KCTD8: variants seen among roughly 807,000 people sequenced by gnomAD.
KCTD8 encodes BTB/POZ domain-containing protein KCTD8.
KCTD8 carries 27 observed loss-of-function variants against 31.5 expected under a neutral mutation model. The observed-to-expected ratio is 0.86, with a 90% CI of 0.63 to 1.18. The LOEUF (loss-of-function observed/expected upper bound fraction) is 1.18, where lower values mean the gene tolerates loss of function less well. KCTD8 is among the 50% of genes most tolerant of loss of function. KCTD8 has a pLI of 0.00. For missense variants in KCTD8, 658 were observed against 647.7 expected, an observed-to-expected ratio of 1.02 and a Z score of -0.17; for synonymous variants, 290 against 280.0, an observed-to-expected ratio of 1.04 and a Z score of -0.36.
At chr4:44,421,217 A>T (rs1560450746) in intron 1 of KCTD8, among the ~76,000 whole-genome samples, 1 of 152,096 alleles carries the variant, frequency 6.6e-6, no homozygotes, top group Non-Finnish European at 1.5e-5. Flanking sequence ...ACTATAAAAC[A>T]TATAAAAACA....
At chr4:44,335,856 G>GA (rs1560429304) in intron 1 of KCTD8, among the ~76,000 whole-genome samples, 1 of 151,914 alleles carries the variant, frequency 6.6e-6, no homozygotes, top group Admixed American at 6.6e-5. Context: ...ACCCACAATA[G>GA]AAAAAATATA....
chr4:44,411,801 C>T (rs1720965023), intron 1 of KCTD8, among the ~76,000 whole-genome samples: 1 of 151,860 alleles, frequency 6.6e-6, no homozygotes, highest in Non-Finnish European at 1.5e-5. Context: ...CAGCTGCAAG[C>T]CAAGGAATGC....
intron 1 of KCTD8, among the ~76,000 whole-genome samples, chr4:44,188,550 A>G (rs1015043864): frequency 1.3e-5 from 2 of 152,204 alleles, no homozygotes; most frequent in African/African-American, 4.8e-5. Context: ...GTGGTTCCAT[A>G]AAAGATAGCA....
At chr4:44,293,378 T>A (rs1717334474) in intron 1 of KCTD8, 3 of 434,570 alleles carry the variant, frequency 6.9e-6, no homozygotes, top group South Asian at 5.0e-5. Flanking sequence ...TTATCTGCCA[T>A]ACTTAATGGA....
intron 1 of KCTD8, among the ~76,000 whole-genome samples, chr4:44,408,718 C>T (rs1358559293): frequency 6.6e-6 from 1 of 151,994 alleles, no homozygotes; most frequent in Non-Finnish European, 1.5e-5. Flanking sequence ...TCCCAGGTTC[C>T]AGCAATTCCT....
intron 1 of KCTD8, among the ~76,000 whole-genome samples, chr4:44,230,040 T>C (rs1715078740): frequency 6.6e-6 from 1 of 151,792 alleles, no homozygotes; most frequent in African/African-American, 2.4e-5. Context: ...TAAGGCCTTA[T>C]TAAATCAACT....
chr4:44,204,212 G>A (rs1714234813), intron 1 of KCTD8, among the ~76,000 whole-genome samples: 1 of 152,072 alleles, frequency 6.6e-6, no homozygotes, highest in South Asian at 2.1e-4. Flanking sequence ...TTTAACTTCA[G>A]AGTGAAGTAT....
chr4:44,426,244 G>A (rs1175718463), intron 1 of KCTD8, among the ~76,000 whole-genome samples: 2 of 151,412 alleles, frequency 1.3e-5, no homozygotes, highest in East Asian at 1.9e-4. Context: ...AGGCCACAGA[G>A]GAAACCCAGT....
At chr4:44,336,766 T>C (rs969585340) in intron 1 of KCTD8, among the ~76,000 whole-genome samples, 2 of 151,978 alleles carry the variant, frequency 1.3e-5, no homozygotes, top group African/African-American at 4.8e-5. Flanking sequence ...TCCTGAATAA[T>C]AAACAATAAA....
intron 1 of KCTD8, among the ~76,000 whole-genome samples, chr4:44,441,196 A>G (rs997091580): frequency 6.6e-6 from 1 of 151,956 alleles, no homozygotes; most frequent in Non-Finnish European, 1.5e-5. Context: ...TCTTTAGGTA[A>G]GTCCTTGCAA....
intron 1 of KCTD8, among the ~76,000 whole-genome samples, chr4:44,415,484 A>G (rs548179991): frequency 6.6e-6 from 1 of 152,278 alleles, no homozygotes; most frequent in South Asian, 2.1e-4. Flanking sequence ...GCAGTCTTCA[A>G]GTCTTCTAGA....
intron 1 of KCTD8, among the ~76,000 whole-genome samples, chr4:44,245,528 AT>A (rs1373687047): frequency 6.6e-6 from 1 of 151,760 alleles, no homozygotes; most frequent in Non-Finnish European, 1.5e-5. Context: ...TTAATGGTGT[AT>A]AAATTTTTTC....
chr4:44,436,138 T>G (rs941837631), intron 1 of KCTD8, among the ~76,000 whole-genome samples: 1 of 152,090 alleles, frequency 6.6e-6, no homozygotes, highest in Non-Finnish European at 1.5e-5. Flanking sequence ...GTGGGGCAAA[T>G]TGGCACAGAA....
intron 1 of KCTD8, among the ~76,000 whole-genome samples, chr4:44,446,556 C>A (rs1721943670): frequency 6.6e-6 from 1 of 151,986 alleles, no homozygotes; most frequent in Non-Finnish European, 1.5e-5. Flanking sequence ...ACTCCCAATC[C>A]CCAGGTTCAG....
intron 1 of KCTD8, among the ~76,000 whole-genome samples, chr4:44,214,806 C>T (rs909080794): frequency 4.6e-5 from 7 of 152,172 alleles, no homozygotes; most frequent in African/African-American, 1.7e-4. Context: ...ACTGCCTTTT[C>T]AGAACTAACC....
At chr4:44,382,398 C>T (rs1023587293) in intron 1 of KCTD8, among the ~76,000 whole-genome samples, 10 of 151,924 alleles carry the variant, frequency 6.6e-5, no homozygotes, top group South Asian at 4.1e-4. Flanking sequence ...AACATCATAC[C>T]GAATGGGGAA....
intron 1 of KCTD8, among the ~76,000 whole-genome samples, chr4:44,424,720 T>C (rs1207130165): frequency 2.0e-5 from 3 of 151,954 alleles, no homozygotes; most frequent in Non-Finnish European, 4.4e-5. Flanking sequence ...ACCCTAAAAA[T>C]ATGAACTCTA....
At chr4:44,267,179 A>G (rs1188733160) in intron 1 of KCTD8, among the ~76,000 whole-genome samples, 2 of 152,182 alleles carry the variant, frequency 1.3e-5, no homozygotes, top group African/African-American at 4.8e-5. Context: ...AAGAACAGAA[A>G]TTATAACAAA....
At chr4:44,182,171 G>C (rs1010365300) in intron 1 of KCTD8, among the ~76,000 whole-genome samples, 1 of 151,212 alleles carries the variant, frequency 6.6e-6, no homozygotes, top group Non-Finnish European at 1.5e-5. Flanking sequence ...AGGGAGGTGG[G>C]GGGGCGCCTC....
Sources: allele counts gnomAD v4.1 joint callset (sites outside exome capture counted in the v4.1 genomes callset), GRCh38; gene constraint gnomAD v4.1.1; transcripts MANE v1.5; gene names NCBI Gene and HGNC (gene_info 2026-07-23, HGNC 2026-07-21).